FBXO17: variants seen among roughly 807,000 people sequenced by gnomAD.
FBXO17 encodes the protein F-box only protein 17.
Under a neutral mutation model 34.1 loss-of-function variants are expected in FBXO17, and 43 were observed. The ratio of observed to expected loss-of-function variants is 1.26; its 90% CI spans 0.99 to 1.62. FBXO17 has a LOEUF of 1.62. Ranked by LOEUF, FBXO17 falls within the 40% of genes most tolerant of loss-of-function variation. FBXO17 has a pLI of 0.00. For missense variants in FBXO17, 424 were observed against 386.7 expected (o/e 1.10, Z -0.81); for synonymous variants, 169 against 166.0 (o/e 1.02, Z -0.14).
chr19:38,951,507 C>T (rs1975083279), intron 1 of FBXO17, among the ~76,000 whole-genome samples: 1 of 140,390 alleles, frequency 7.1e-6, no homozygotes. Flanking sequence ...CCCTTCTCTT[C>T]CCTCTGCCCC....
At chr19:38,945,462 A>ATT in intron 4 of FBXO17, 1 of 24,970 alleles carries the variant, frequency 4.0e-5, no homozygotes, top group Non-Finnish European at 7.0e-5. Context: ...GTGGTCCTGG[A>ATT]GTGGAGCCAG....
chr19:38,943,941 A>G (rs1292890346), intron 5 of FBXO17, among the ~76,000 whole-genome samples: 1 of 152,162 alleles, frequency 6.6e-6, no homozygotes, highest in Non-Finnish European at 1.5e-5. Flanking sequence ...TTGATTCACG[A>G]TATTATGCAG....
intron 5 of FBXO17, chr19:38,944,736 C>A (rs1262732396): frequency 3.5e-6 from 2 of 575,436 alleles, no homozygotes; most frequent in Non-Finnish European, 6.0e-6. Flanking sequence ...TGGTGCCCAG[C>A]ACACAGTAGG....
chr19:38,944,854 T>C (rs1600187026), intron 5 of FBXO17, 115 bp downstream of exon 5: 1 of 1,444,580 alleles, frequency 6.9e-7, no homozygotes, highest in Non-Finnish European at 9.4e-7. Flanking sequence ...CGATACTTCT[T>C]AGCTGTTATG....
At chr19:38,965,040 A>C (rs1975301570) in intron 1 of FBXO17, among the ~76,000 whole-genome samples, 1 of 152,044 alleles carries the variant, frequency 6.6e-6, no homozygotes, top group Admixed American at 6.6e-5. Context: ...GCAAACAAAA[A>C]ACCACAGTCA....
In FBXO17 at chr19:38,950,151, T is replaced by G; in HGVS notation, c.169A>C (p.Thr57Pro). The G allele has an allele frequency of 6.4e-7, 1 of 1,563,274 alleles. No individual in the cohort carries two copies. The highest frequency in any genetic ancestry group is 8.6e-7 in the Non-Finnish European group (1 of 1,159,386). ...RAWRDIVDGP[T>P]VWLLQLARDR... ...CGGGCCAGCTGCAGCAGCCACACAG[T>G]GGGCCCGTCCACTATGTCGCGCCAG... The change falls in exon 2 of 6, where the codon ACT becomes CCT. Residue 57 changes from threonine (T) to proline (P), a missense_variant. Thr to Pro is a conservative substitution (Grantham distance 38). Coordinates refer to ENST00000292852, the MANE Select transcript of FBXO17 (RefSeq NM_024907.7).
At chr19:38,946,293 G>A in intron 4 of FBXO17, 179 bp downstream of exon 4, 1 of 1,108,408 alleles carries the variant, frequency 9.0e-7, no homozygotes. Flanking sequence ...TGGGGGCTCT[G>A]GCTTCTCCAA....
intron 1 of FBXO17, among the ~76,000 whole-genome samples, chr19:38,963,790 T>G (rs74937277): frequency 1.1e-5 from 1 of 90,274 alleles, no homozygotes; most frequent in African/African-American, 3.1e-5. Context: ...TTTTCTTTGC[T>G]TTTTTTTTTT....
chr19:38,952,622 C>T (rs1975102002), intron 1 of FBXO17: 2 of 534,328 alleles, frequency 3.7e-6, no homozygotes, highest in Non-Finnish European at 7.7e-6. Context: ...CTCTCTTCTC[C>T]CTAATTTTAG....
intron 5 of FBXO17, among the ~76,000 whole-genome samples, chr19:38,943,398 C>T (rs1974923487): frequency 1.3e-5 from 2 of 151,370 alleles, no homozygotes; most frequent in Non-Finnish European, 2.9e-5. Context: ...CTCAGCCTCC[C>T]GAGTAGCTGG....
chr19:38,949,842 C>G (rs1296350867), intron 2 of FBXO17, 129 bp downstream of exon 2: 3 of 1,192,552 alleles, frequency 2.5e-6, no homozygotes, highest in Non-Finnish European at 3.4e-6. Flanking sequence ...CTGCGTCCCT[C>G]AGCCCCGCCC....
chr19:38,954,999 C>T lies in FBXO17; in HGVS notation c.-17-4663G>A, dbSNP rs922735608. Among the ~76,000 whole-genome samples the T allele has an allele frequency of 1.6e-4, 24 of 150,632 alleles. 1 individual carries two copies. Among genetic ancestry groups the T allele is most frequent in the Admixed American group, 1.1e-3 (16 of 15,046 alleles). On this transcript the variant is annotated intron_variant, in intron 1 of 5. Coordinates refer to ENST00000292852, the MANE Select transcript of FBXO17 (RefSeq NM_024907.7). The stretch of plus-strand genomic sequence containing the variant: ...AGCCTGGAATGCAGTGGTGCGATGT[C>T]GGCTCACTGCAAGCTCCGCCTCCTG...
At chr19:38,946,352 C>T in intron 4 of FBXO17, 120 bp downstream of exon 4, 2 of 1,487,972 alleles carry the variant, frequency 1.3e-6, no homozygotes, top group Non-Finnish European at 1.8e-6. Context: ...AGCCTCATCA[C>T]AAAGGGTGCA....
At chr19:38,960,452 C>T (rs779277781) in intron 1 of FBXO17, among the ~76,000 whole-genome samples, 2 of 152,108 alleles carry the variant, frequency 1.3e-5, no homozygotes, top group Non-Finnish European at 2.9e-5. Flanking sequence ...GCTGGCGCTC[C>T]TTAGACATTT....
chr19:38,942,912 A>C (rs1974914774), intron 5 of FBXO17, among the ~76,000 whole-genome samples, 161 bp from the exon 6 acceptor site: 1 of 152,232 alleles, frequency 6.6e-6, no homozygotes, highest in Non-Finnish European at 1.5e-5. Context: ...CCCTGGTGTC[A>C]GTGCCATTCT....
chr19:38,950,370 C>T (rs1205928341), intron 1 of FBXO17, 34 bp from the exon 2 acceptor site: 8 of 1,392,784 alleles, frequency 5.7e-6, no homozygotes, highest in Admixed American at 3.4e-5. Flanking sequence ...GGCGGGTCAG[C>T]GCAGCCAGGC....
At chr19:38,943,990 A>C (rs1600186453) in intron 5 of FBXO17, among the ~76,000 whole-genome samples, 1 of 150,716 alleles carries the variant, frequency 6.6e-6, no homozygotes, top group South Asian at 2.1e-4. Flanking sequence ...CCAGGAAAAA[A>C]CTCTGCATCC....
intron 2 of FBXO17, among the ~76,000 whole-genome samples, chr19:38,949,461 T>A (rs1243549276): frequency 6.6e-6 from 1 of 151,978 alleles, no homozygotes; most frequent in African/African-American, 2.4e-5. Flanking sequence ...CTCAAACTCC[T>A]GGCCTCAAGC....
Position 38,950,121 on chromosome 19 carries a change from G to C in FBXO17, c.199C>G (p.Arg67Gly). The C allele has an allele frequency of 1.3e-6, 2 of 1,561,308 alleles. No individual in the cohort carries two copies. Among genetic ancestry groups the C allele is most frequent in the Non-Finnish European group, 1.7e-6 (2 of 1,156,772 alleles). Reference protein sequence around the residue: ...TVWLLQLARDRSAEGRALYAV... With the variant: ...TVWLLQLARDGSAEGRALYAV... ...TAGAGTGCGCGGCCCTCGGCGCTGC[G>C]GTCGCGGGCCAGCTGCAGCAGCCAC... The change falls in exon 2 of 6, where the codon CGC (arginine) becomes GGC (glycine). Residue 67 changes from arginine to glycine, a missense_variant. By Grantham distance (125) the Arg-to-Gly change is moderately radical. Transcript: ENST00000292852.
Sources: allele counts gnomAD v4.1 joint callset (sites outside exome capture counted in the v4.1 genomes callset), GRCh38; gene constraint gnomAD v4.1.1; transcripts MANE v1.5; gene names NCBI Gene and HGNC (gene_info 2026-07-23, HGNC 2026-07-21).